Variants in TMPRSS15 observed in about 807,000 individuals in gnomAD.
TMPRSS15 encodes the protein enteropeptidase.
In TMPRSS15, 128 loss-of-function variants were observed where a neutral mutation model predicts 125.3. The observed-to-expected ratio is 1.02, with a 90% CI of 0.89 to 1.18. The LOEUF is 1.18. Ranked by LOEUF, TMPRSS15 falls within the 50% of genes most tolerant of loss-of-function variation. The pLI is 0.00. For synonymous variants in TMPRSS15, 446 were observed against 423.2 expected (o/e 1.05, Z -0.66); for missense variants, 1,283 against 1,212.7 (o/e 1.06, Z -0.86).
upstream of TMPRSS15, among the ~76,000 whole-genome samples, chr21:18,405,976 T>C (rs1310963398): frequency 6.6e-6 from 1 of 152,190 alleles, no homozygotes. Flanking sequence ...CTTGTGTTTT[T>C]TTCTTTATAA....
intron 12 of TMPRSS15, 29 bp downstream of exon 12, chr21:18,343,477 A>T (rs1255552353): frequency 6.5e-7 from 1 of 1,548,900 alleles, no homozygotes. Context: ...AAAAGGATAC[A>T]AATATAAATA....
chr21:18,347,100 G>C (rs1251698816), intron 10 of TMPRSS15, among the ~76,000 whole-genome samples: 1 of 150,520 alleles, frequency 6.6e-6, no homozygotes, highest in East Asian at 2.0e-4. Context: ...TGTTAAAATC[G>C]TATCAATTTT....
intron 10 of TMPRSS15, among the ~76,000 whole-genome samples, chr21:18,344,530 A>G (rs2075484986): frequency 6.6e-6 from 1 of 152,228 alleles, no homozygotes; most frequent in Non-Finnish European, 1.5e-5. Context: ...TGAACACTTC[A>G]TATCTCTAAA....
chr21:18,344,338 T>A lies in TMPRSS15; in HGVS notation c.1172-278A>T, dbSNP rs571472723. ...AAGGATATATAAAATTCTGACTTAT[T>A]ATGAGTCACTAAATTATCCAGTCCA... On this transcript the variant is annotated intron_variant, in intron 10 of 24. Transcript: ENST00000284885. 2.6e-5 allele frequency among the ~76,000 whole-genome samples: 4 copies of A among 152,310 alleles called. No individual in the cohort carries two copies. The South Asian group carries it at 6.2e-4, about 24-fold the overall frequency.
chr21:18,306,360 G>C (rs997999344), intron 18 of TMPRSS15, among the ~76,000 whole-genome samples: 2 of 152,164 alleles, frequency 1.3e-5, no homozygotes, highest in African/African-American at 4.8e-5. Flanking sequence ...GGTTACATCA[G>C]AATTTAAATG....
intron 1 of TMPRSS15, among the ~76,000 whole-genome samples, chr21:18,432,920 G>A (rs186351822): frequency 3.0e-3 from 453 of 152,174 alleles, no homozygotes; most frequent in Non-Finnish European, 4.1e-3. Context: ...CTCCGAAAAA[G>A]TGGGGACTAA....
At chr21:18,436,010 A>T (rs372246637) in intron 1 of TMPRSS15, among the ~76,000 whole-genome samples, 12,936 of 141,916 alleles carry the variant, frequency 0.091, 591 homozygotes, top group African/African-American at 0.13. Flanking sequence ...CATCTATTTG[A>T]TTCTTCTCTC....
chr21:18,350,191 T>C (rs2075551239), intron 10 of TMPRSS15, among the ~76,000 whole-genome samples: 1 of 152,094 alleles, frequency 6.6e-6, no homozygotes, highest in Non-Finnish European at 1.5e-5. Context: ...AGCTGTGTAA[T>C]TAGTGATTTT....
intron 24 of TMPRSS15, among the ~76,000 whole-genome samples, chr21:18,271,652 A>G (rs936076023): frequency 5.3e-5 from 8 of 151,704 alleles, no homozygotes; most frequent in Non-Finnish European, 1.2e-4. Flanking sequence ...CAGAATGTGC[A>G]GGTTTGTTAC....
At chr21:18,414,801 A>T (rs2076176040) in intron 1 of TMPRSS15, among the ~76,000 whole-genome samples, 1 of 152,210 alleles carries the variant, frequency 6.6e-6, no homozygotes, top group African/African-American at 2.4e-5. Flanking sequence ...TACCGTGAAT[A>T]ATGTTGTAAT....
intron 1 of TMPRSS15, among the ~76,000 whole-genome samples, chr21:18,442,310 C>T (rs1210335239): frequency 6.6e-6 from 1 of 152,202 alleles, no homozygotes. Flanking sequence ...CATGGATGGG[C>T]TTGACGTATT....
chr21:18,434,620 A>G (rs2076223914), intron 1 of TMPRSS15, among the ~76,000 whole-genome samples: 1 of 152,074 alleles, frequency 6.6e-6, no homozygotes, highest in South Asian at 2.1e-4. Context: ...ACCCTACAGG[A>G]ACATAACTGC....
At chr21:18,410,935 T>C (rs533599710) in intron 1 of TMPRSS15, among the ~76,000 whole-genome samples, 2 of 152,310 alleles carry the variant, frequency 1.3e-5, no homozygotes, top group East Asian at 3.9e-4. Flanking sequence ...TCACTGGCTC[T>C]AAGATTGTAT....
intron 1 of TMPRSS15, among the ~76,000 whole-genome samples, chr21:18,432,053 G>A (rs73895613): frequency 0.027 from 4,047 of 152,144 alleles, 169 homozygotes; most frequent in African/African-American, 0.086. Context: ...TCCTTGCACT[G>A]AACTGAAAAC....
chr21:18,376,690 T>C (rs1226419152), intron 5 of TMPRSS15, among the ~76,000 whole-genome samples: 1 of 152,104 alleles, frequency 6.6e-6, no homozygotes, highest in Non-Finnish European at 1.5e-5. Flanking sequence ...CGGGAGCAAT[T>C]GCCAAAACAC....
intron 16 of TMPRSS15, among the ~76,000 whole-genome samples, chr21:18,322,495 A>C (rs1246213330): frequency 2.0e-5 from 3 of 152,214 alleles, no homozygotes; most frequent in Non-Finnish European, 2.9e-5. Flanking sequence ...TCAACAGATG[A>C]AAAGAGAGAG....
intron 1 of TMPRSS15, among the ~76,000 whole-genome samples, chr21:18,447,184 G>A (rs1033613317): frequency 4.6e-5 from 7 of 152,134 alleles, no homozygotes; most frequent in Middle Eastern, 6.8e-3. Flanking sequence ...AGTGGTTCAC[G>A]CCTGTAACCC....
At chr21:18,466,731 G>A (rs1028257257) in intron 1 of TMPRSS15, among the ~76,000 whole-genome samples, 1 of 152,182 alleles carries the variant, frequency 6.6e-6, no homozygotes, top group Non-Finnish European at 1.5e-5. Context: ...ACACCAGTTA[G>A]AATGGTGATC....
At chr21:18,434,900 T>C (rs952112803) in intron 1 of TMPRSS15, among the ~76,000 whole-genome samples, 1 of 152,114 alleles carries the variant, frequency 6.6e-6, no homozygotes, top group African/African-American at 2.4e-5. Context: ...ATTGAGTCTT[T>C]CATCTGTACT....
Sources: allele counts gnomAD v4.1 joint callset (sites outside exome capture counted in the v4.1 genomes callset), GRCh38; gene constraint gnomAD v4.1.1; transcripts MANE v1.5; gene names NCBI Gene and HGNC (gene_info 2026-07-23, HGNC 2026-07-21).